Variants in ANGEL1 observed in about 807,000 individuals in gnomAD.
ANGEL1 encodes RNA 2',3'-cyclic phosphatase ANGEL1.
In ANGEL1, 62 loss-of-function variants were observed where a neutral mutation model predicts 76.4. That is an observed-to-expected ratio of 0.81 (90% CI 0.66 to 1.00). The LOEUF (loss-of-function observed/expected upper bound fraction) is 1.00, where lower values mean the gene tolerates loss of function less well. Among genes scored for constraint, ANGEL1 ranks in the 50% least tolerant of loss-of-function variants. The pLI, the probability that ANGEL1 is intolerant of heterozygous loss-of-function variation, is 0.00. For synonymous variants in ANGEL1, 340 were observed against 331.7 expected (o/e 1.03, Z -0.27); for missense variants, 737 against 836.7 (o/e 0.88, Z 1.47).
In ANGEL1 at chr14:76,812,852, G is replaced by C; in HGVS notation, c.-25C>G. The C allele has an allele frequency of 6.7e-7, 1 of 1,497,454 alleles. No individual in the cohort carries two copies. Among genetic ancestry groups the C allele is most frequent in the Non-Finnish European group, 8.9e-7 (1 of 1,126,246 alleles). The allele number at this position is 1,497,454 out of a possible 1,614,324, so 92.8% of individuals were successfully genotyped here. On this transcript the variant is annotated 5_prime_UTR_variant, in exon 1 of 10. Coordinates refer to ENST00000251089, the MANE Select transcript of ANGEL1 (RefSeq NM_015305.4). ...TGGCCGGCCGCCCGCGCCCGCCTCC[G>C]CTCCTCACTGCAGCCAGCAGGTCCT...
chr14:76,791,328 C>G lies in ANGEL1; in HGVS notation c.1657G>C (p.Asp553His), dbSNP rs1894400126. 2 of 1,614,000 alleles carry G rather than the reference C, an allele frequency of 1.2e-6. No individual in the cohort carries two copies. Among genetic ancestry groups the G allele is most frequent in the Non-Finnish European group, 1.7e-6 (2 of 1,180,014 alleles). ...AAGGCAGGCTCAAGCTCCGATGCAT[C>G]TTCCTCAAGGACAGACTCAGCCCAA... ...AGWAESVLEE[D>H]ASELEPAFSR... The change falls in exon 8 of 10, where the codon GAT becomes CAT. Residue 553 changes from aspartate to histidine, a missense_variant. Physicochemically the swap from Asp to His is moderately conservative, Grantham distance 81. This residue lies in a region of ANGEL1 where 296 missense variants were observed against 387.2 expected (regional missense o/e 0.76). Transcript: ENST00000251089.
chr14:76,811,021 C>T (rs1490962178), intron 1 of ANGEL1, among the ~76,000 whole-genome samples: 1 of 152,112 alleles, frequency 6.6e-6, no homozygotes, highest in Non-Finnish European at 1.5e-5. Context: ...TGTTTGGGGT[C>T]TATGTATATT....
chr14:76,803,429 G>C lies in ANGEL1; in HGVS notation c.1560C>G (p.Ile520Met). The change falls in exon 7 of 10, where the codon ATC becomes ATG. Residue 520 changes from isoleucine (I) to methionine (M), a missense_variant. Physicochemically the swap from Ile to Met is conservative, Grantham distance 10 (BLOSUM62 1). Transcript: ENST00000251089. ...CCAGTCCTACTGGTCGCTGACAAGC[G>C]ATGCTGCAGAAGCGGAAACGTAGCA... The part of the protein sequence containing the change: ...DFLLRFRFCS[I>M]ACQRPVGLVL... 6.2e-7 allele frequency: 1 copy of C among 1,614,206 alleles called. No homozygotes were observed. The highest frequency in any genetic ancestry group is 8.5e-7 in the Non-Finnish European group (1 of 1,180,032).
intron 1 of ANGEL1, among the ~76,000 whole-genome samples, chr14:76,811,405 TTGGTGG>T (rs35281185): frequency 6.6e-6 from 1 of 151,192 alleles, no homozygotes; most frequent in South Asian, 2.1e-4. Context: ...TAGATGTCTT[TTGGTGG>T]TGGTGGTGGT....
At position 76,789,320 on chromosome 14, in the gene ANGEL1, G is replaced by GTATC; in HGVS notation, c.1917_1920dup (p.Leu641AspfsTer59). 2 of 1,614,250 alleles carry GTATC rather than the reference G, an allele frequency of 1.2e-6. No individual in the cohort carries two copies. Among genetic ancestry groups the GTATC allele is most frequent in the Non-Finnish European group, 1.7e-6 (2 of 1,180,050 alleles). On this transcript the variant is annotated frameshift_variant, in exon 10 of 10. Transcript: ENST00000251089. LOFTEE classifies it high-confidence loss of function. Reference sequence around the variant, plus strand: ...TTGGGTAAGCCATTGGCAGCCCAGAGTATCTCTTCAGAGAGAAGGGAGAGA... The same window carrying GTATC: ...TTGGGTAAGCCATTGGCAGCCCAGAGTATCTATCTCTTCAGAGAGAAGGGAGAGA...
chr14:76,801,056 T>C (rs1408935804), intron 7 of ANGEL1, among the ~76,000 whole-genome samples: 1 of 151,922 alleles, frequency 6.6e-6, no homozygotes, highest in Non-Finnish European at 1.5e-5. Context: ...AAAGATTCTT[T>C]CATCTTTGAC....
In ANGEL1 at chr14:76,786,576, G is replaced by C. The variant is rs1894268062; in HGVS notation, c.*2652C>G. The C allele has an allele frequency of 1.3e-5, 2 of 152,234 alleles. No individual in the cohort carries two copies. Among genetic ancestry groups the C allele is most frequent in the Non-Finnish European group, 2.9e-5 (2 of 68,054 alleles). The allele number at this position is 152,234 out of a possible 1,614,324, so 9.4% of individuals were successfully genotyped here. A position where few individuals can be genotyped will look rare whatever the true frequency, so the allele number is the denominator to read the frequency against. On this transcript the variant is annotated 3_prime_UTR_variant, in exon 10 of 10. Coordinates refer to ENST00000251089, the MANE Select transcript of ANGEL1 (RefSeq NM_015305.4). Reference sequence around the variant, plus strand: ...TCTCAGAGACTGATTCAGAGGCCTGGTGTGGGTTCTGGGAACCTGTTCAGG... The same window carrying C: ...TCTCAGAGACTGATTCAGAGGCCTGCTGTGGGTTCTGGGAACCTGTTCAGG...
chr14:76,799,860 T>C (rs1210510848), intron 7 of ANGEL1, among the ~76,000 whole-genome samples: 1 of 149,432 alleles, frequency 6.7e-6, no homozygotes, highest in Non-Finnish European at 1.5e-5. Flanking sequence ...GAGCCATGAC[T>C]GTACCACTGC....
At chr14:76,811,644 G>T (rs2140233943) in intron 1 of ANGEL1, among the ~76,000 whole-genome samples, 1 of 151,710 alleles carries the variant, frequency 6.6e-6, no homozygotes, top group Middle Eastern at 3.4e-3. Context: ...ATAGTTAAAA[G>T]AATATGTTTA....
chr14:76,803,530 A>G, intron 6 of ANGEL1, 49 bp from the exon 7 acceptor site: 1 of 1,579,760 alleles, frequency 6.3e-7, no homozygotes, highest in Non-Finnish European at 8.7e-7. Context: ...ATGAAGCCAC[A>G]TGCTGAGACC....
At chr14:76,805,148 T>A (rs908927863) in intron 5 of ANGEL1, among the ~76,000 whole-genome samples, 2 of 152,194 alleles carry the variant, frequency 1.3e-5, no homozygotes, top group Non-Finnish European at 2.9e-5. Context: ...TTTACACGCA[T>A]TATTTTATTT....
intron 2 of ANGEL1, among the ~76,000 whole-genome samples, chr14:76,808,731 T>G (rs1595308978): frequency 6.6e-6 from 1 of 152,198 alleles, no homozygotes; most frequent in Admixed American, 6.5e-5. Context: ...TCTCTATCCC[T>G]ACCTCCAGAA....
At chr14:76,793,417 G>GGGT (rs1244341205) in intron 7 of ANGEL1, among the ~76,000 whole-genome samples, 7 of 74,236 alleles carry the variant, frequency 9.4e-5, no homozygotes, top group South Asian at 6.3e-4. Flanking sequence ...TAAAAGGAAA[G>GGGT]AGGAGAGGGG....
chr14:76,789,205 GCT>G lies in ANGEL1; in HGVS notation c.*21_*22del. 6.2e-7 allele frequency: 1 copy of G among 1,612,850 alleles called. No individual in the cohort carries two copies. Among genetic ancestry groups the G allele is most frequent in the South Asian group, 1.1e-5 (1 of 90,976 alleles). ...TCCAGTGAGCTCTTCTGGAAGAGAA[GCT>G]CTCTTCCCCTGGGAGCCCTGTCATG... On this transcript the variant is annotated 3_prime_UTR_variant, in exon 10 of 10. Transcript: ENST00000251089.
intron 5 of ANGEL1, among the ~76,000 whole-genome samples, chr14:76,804,602 T>A (rs556721261): frequency 6.6e-6 from 1 of 152,248 alleles, no homozygotes; most frequent in Non-Finnish European, 1.5e-5. Context: ...TGTAAGGGCA[T>A]AAATTTTCAA....
chr14:76,794,888 CTTAGT>C (rs1055440621), intron 7 of ANGEL1, among the ~76,000 whole-genome samples: 33 of 152,156 alleles, frequency 2.2e-4, no homozygotes, highest in African/African-American at 7.7e-4. Context: ...CTTAATGCTG[CTTAGT>C]TTATTCTCTT....
At chr14:76,791,612 A>C (rs1254554505) in intron 7 of ANGEL1, among the ~76,000 whole-genome samples, 1 of 152,152 alleles carries the variant, frequency 6.6e-6, no homozygotes, top group African/African-American at 2.4e-5. Context: ...GTTTTTCTTT[A>C]ATTTGATTAA....
Position 76,809,308 on chromosome 14 carries a change from C to T in ANGEL1, c.400G>A (p.Glu134Lys). ...ACCCCCTCCACCTCCAGCAGTGGCT[C>T]CTCTCCTAGCATCTCAGGGAAAGGC... is the stretch of plus-strand genomic sequence containing the variant. ...DEPFPEMLGE[E>K]PLLEVEGVEG... The change falls in exon 2 of 10, where the codon GAG (glutamate) becomes AAG (lysine). Residue 134 changes from glutamate (E) to lysine (K), a missense_variant. By Grantham distance (56) the Glu-to-Lys change is moderately conservative (BLOSUM62 1). This residue lies in a region of ANGEL1 where 441 missense variants were observed against 449.5 expected (regional missense o/e 0.98). Coordinates refer to ENST00000251089, the MANE Select transcript of ANGEL1 (RefSeq NM_015305.4). The T allele has an allele frequency of 1.2e-6, 2 of 1,614,190 alleles. No homozygotes were observed. Among genetic ancestry groups the T allele is most frequent in the Non-Finnish European group, 1.7e-6 (2 of 1,180,008 alleles).
chr14:76,811,518 TGGGG>T (rs776448360), intron 1 of ANGEL1, among the ~76,000 whole-genome samples: 497 of 6,646 alleles, frequency 0.075, 12 homozygotes, highest in African/African-American at 0.22. Flanking sequence ...AATGTGTAGG[TGGGG>T]GGGCGGGGGG....
Sources: allele counts gnomAD v4.1 joint callset (sites outside exome capture counted in the v4.1 genomes callset), GRCh38; gene constraint gnomAD v4.1.1; regional missense constraint gnomAD v4.1.1; transcripts MANE v1.5; gene names NCBI Gene and HGNC (gene_info 2026-07-23, HGNC 2026-07-21).